The following MRPS28 variants were observed in gnomAD, a reference collection of about 807,000 sequenced individuals.
The protein encoded by MRPS28 is mitochondrial ribosomal protein S28.
A neutral mutation model predicts 10.8 loss-of-function variants in MRPS28; 7 were observed. The ratio of observed to expected loss-of-function variants is 0.65; its 90% CI spans 0.37 to 1.22. MRPS28 has a LOEUF of 1.22. Ranked by LOEUF, MRPS28 falls within the 50% of genes most tolerant of loss-of-function variation. MRPS28 has a pLI of 0.02. For missense variants in MRPS28, 265 were observed against 232.9 expected (o/e 1.14, Z -0.90); for synonymous variants, 121 against 93.3 (o/e 1.30, Z -1.71).
intron 2 of MRPS28, among the ~76,000 whole-genome samples, chr8:79,982,985 ACCCCCG>A: frequency 8.1e-6 from 1 of 123,104 alleles, no homozygotes; most frequent in Admixed American, 8.1e-5. Flanking sequence ...CTGACGCCTG[ACCCCCG>A]ACCCCCGAGC....
chr8:79,967,681 C>T (rs182595617), intron 2 of MRPS28, among the ~76,000 whole-genome samples: 6 of 152,210 alleles, frequency 3.9e-5, no homozygotes, highest in Admixed American at 1.3e-4. Flanking sequence ...TCAAGATGGA[C>T]GGCATTGCCT....
intron 2 of MRPS28, among the ~76,000 whole-genome samples, chr8:79,923,667 C>T (rs560030693): frequency 3.9e-5 from 6 of 152,082 alleles, no homozygotes; most frequent in South Asian, 2.1e-4. Context: ...ACATTCAAAA[C>T]GAAAATAGCC....
intron 2 of MRPS28, among the ~76,000 whole-genome samples, chr8:79,940,878 T>C (rs1806748714): frequency 6.6e-6 from 1 of 152,206 alleles, no homozygotes; most frequent in African/African-American, 2.4e-5. Context: ...TTCTCACACA[T>C]GAAAAAGCAA....
chr8:79,973,767 G>GGGTAAGA (rs1807704251), intron 2 of MRPS28, among the ~76,000 whole-genome samples: 1 of 151,602 alleles, frequency 6.6e-6, no homozygotes, highest in Non-Finnish European at 1.5e-5. Flanking sequence ...GTAGACAAGT[G>GGGTAAGA]GGTAAGAGGA....
chr8:79,977,749 G>A (rs375095119), intron 2 of MRPS28, among the ~76,000 whole-genome samples: 1 of 151,952 alleles, frequency 6.6e-6, no homozygotes, highest in African/African-American at 2.4e-5. Flanking sequence ...CCCGGGAGGC[G>A]GAGGTTGTGG....
intron 1 of MRPS28, among the ~76,000 whole-genome samples, chr8:80,025,211 C>A (rs16907376): frequency 0.098 from 14,866 of 152,118 alleles, 1,570 homozygotes; most frequent in African/African-American, 0.27. Context: ...TGTCAACATG[C>A]AGTTATGATA....
At chr8:80,019,002 T>C (rs547759785) in intron 1 of MRPS28, among the ~76,000 whole-genome samples, 10 of 152,126 alleles carry the variant, frequency 6.6e-5, no homozygotes, top group Non-Finnish European at 1.3e-4. Flanking sequence ...GGGAAGGGTA[T>C]TGGGGGTTTG....
intron 1 of MRPS28, among the ~76,000 whole-genome samples, chr8:80,015,481 G>A (rs1278710914): frequency 6.6e-6 from 1 of 152,140 alleles, no homozygotes; most frequent in East Asian, 1.9e-4. Context: ...AGAAGCAAAT[G>A]TGCAGTTCAT....
intron 2 of MRPS28, among the ~76,000 whole-genome samples, chr8:79,995,916 C>G (rs1355323616): frequency 6.6e-6 from 1 of 152,014 alleles, no homozygotes; most frequent in Non-Finnish European, 1.5e-5. Flanking sequence ...AAAAAGCAGA[C>G]AAGGGCATAA....
intron 2 of MRPS28, among the ~76,000 whole-genome samples, chr8:79,950,825 G>C (rs1257135995): frequency 1.3e-5 from 2 of 152,198 alleles, no homozygotes; most frequent in Non-Finnish European, 2.9e-5. Context: ...TGTGAAGTCA[G>C]TCAGTGTGAA....
In MRPS28 at chr8:79,974,413, G is replaced by A. The variant is rs562422813; in HGVS notation, c.395+28586C>T. Among the ~76,000 whole-genome samples the A allele has an allele frequency of 2.6e-3, 398 of 151,862 alleles. 3 individuals are homozygous for A. The highest frequency in any genetic ancestry group is 3.3e-3 in the Non-Finnish European group (227 of 67,922). ...AAATTAGCCAGGCGTGGTGGTGGGCGCCTGTAGTCCCAGCTACTCGGGAGG... is the reference window on the plus strand; with the variant it reads ...AAATTAGCCAGGCGTGGTGGTGGGCACCTGTAGTCCCAGCTACTCGGGAGG... On this transcript the variant is annotated intron_variant, in intron 2 of 2. Coordinates refer to ENST00000276585, the MANE Select transcript of MRPS28 (RefSeq NM_014018.3).
At chr8:80,006,814 G>A (rs1481500872) in intron 1 of MRPS28, among the ~76,000 whole-genome samples, 4 of 151,986 alleles carry the variant, frequency 2.6e-5, no homozygotes, top group Admixed American at 1.3e-4. Flanking sequence ...AGGACCAGAC[G>A]GATTCACAGC....
chr8:79,944,037 T>G (rs1276845005), intron 2 of MRPS28, among the ~76,000 whole-genome samples: 2 of 152,228 alleles, frequency 1.3e-5, no homozygotes, highest in Non-Finnish European at 2.9e-5. Flanking sequence ...GACCCTTTGC[T>G]AATCATCATA....
chr8:80,025,200 C>G (rs879883208), intron 1 of MRPS28, among the ~76,000 whole-genome samples: 1 of 152,170 alleles, frequency 6.6e-6, no homozygotes, highest in Non-Finnish European at 1.5e-5. Flanking sequence ...AAGTCAAAAA[C>G]TGTCAACATG....
intron 2 of MRPS28, among the ~76,000 whole-genome samples, chr8:79,925,240 TG>T (rs1414720339): frequency 2.4e-4 from 35 of 147,424 alleles, no homozygotes; most frequent in African/African-American, 8.4e-4. Flanking sequence ...AAAAGTCCTT[TG>T]AAAAAAAAAA....
chr8:79,919,196 A>C (rs770040417), intron 2 of MRPS28, 48 bp from the exon 3 acceptor site: 1 of 1,409,392 alleles, frequency 7.1e-7, no homozygotes, highest in South Asian at 1.7e-5. Flanking sequence ...ATATCATAAC[A>C]TGAACAACTA....
chr8:79,966,973 A>G (rs115372094), intron 2 of MRPS28, among the ~76,000 whole-genome samples: 1 of 152,174 alleles, frequency 6.6e-6, no homozygotes, highest in Admixed American at 6.5e-5. Context: ...CCCAATTCAC[A>G]TATCATTTTT....
intron 2 of MRPS28, among the ~76,000 whole-genome samples, chr8:79,993,521 C>G (rs191719676): frequency 1.6e-4 from 24 of 152,296 alleles, no homozygotes; most frequent in African/African-American, 4.6e-4. Context: ...CAATGCTATT[C>G]AGTCTGAATT....
intron 2 of MRPS28, among the ~76,000 whole-genome samples, chr8:79,952,822 A>T (rs1435306677): frequency 6.6e-6 from 1 of 152,216 alleles, no homozygotes; most frequent in East Asian, 1.9e-4. Flanking sequence ...CTGGATAGTA[A>T]CACTTATAAT....
Sources: gnomAD v4.1 joint callset for allele counts (sites outside exome capture counted in the v4.1 genomes callset) on GRCh38, gnomAD v4.1.1 for gene constraint, MANE v1.5 for transcripts, NCBI Gene and HGNC (gene_info 2026-07-23, HGNC 2026-07-21) for gene names.